Variants in RIMS2 observed in about 807,000 individuals in gnomAD.
The protein encoded by RIMS2 is regulating synaptic membrane exocytosis 2, also known as regulating synaptic membrane exocytosis protein 2.
RIMS2 carries 59 observed loss-of-function variants against 174.4 expected under a neutral mutation model. The ratio of observed to expected loss-of-function variants is 0.34; its 90% CI spans 0.27 to 0.42. RIMS2 has a LOEUF of 0.42. RIMS2 is among the 10% of genes least tolerant of loss of function. The probability of loss-of-function intolerance (pLI) is 1.00; values close to 1 mark genes in which losing one functional copy is unlikely to be tolerated. For synonymous variants in RIMS2, 606 were observed against 572.5 expected (o/e 1.06, Z -0.84); for missense variants, 1,620 against 1,666.3 (o/e 0.97, Z 0.48).
chr8:103,964,639 A>G (rs1018772249), intron 15 of RIMS2, among the ~76,000 whole-genome samples: 4 of 152,064 alleles, frequency 2.6e-5, no homozygotes, highest in Non-Finnish European at 4.4e-5. Flanking sequence ...TTGTCTTGAC[A>G]TTGTCTTTTG....
chr8:103,987,318 A>G (rs2094433234), intron 16 of RIMS2, among the ~76,000 whole-genome samples: 1 of 152,132 alleles, frequency 6.6e-6, no homozygotes, highest in Non-Finnish European at 1.5e-5. Context: ...AAAAAATCTT[A>G]CTTTAAGTAA....
intron 19 of RIMS2, among the ~76,000 whole-genome samples, chr8:104,152,653 C>T (rs909351916): frequency 6.6e-6 from 1 of 151,928 alleles, no homozygotes; most frequent in African/African-American, 2.4e-5. Flanking sequence ...TCATTATCTA[C>T]AATAATGAAC....
At chr8:103,738,231 A>C (rs76496694) in intron 2 of RIMS2, among the ~76,000 whole-genome samples, 11,113 of 152,298 alleles carry the variant, frequency 0.073, 544 homozygotes, top group Non-Finnish European at 0.1. Flanking sequence ...TCATCATTTT[A>C]TTAAGTTATT....
At chr8:103,850,972 T>C (rs1334078524) in intron 3 of RIMS2, among the ~76,000 whole-genome samples, 5 of 152,042 alleles carry the variant, frequency 3.3e-5, no homozygotes, top group Admixed American at 2.6e-4. Flanking sequence ...TTTAGATAAA[T>C]GCTAAAGAAT....
chr8:104,182,219 T>C (rs2098944165), intron 19 of RIMS2, among the ~76,000 whole-genome samples: 1 of 151,864 alleles, frequency 6.6e-6, no homozygotes, highest in African/African-American at 2.4e-5. Flanking sequence ...TCTGTGTATA[T>C]TCCAAATAAT....
At chr8:103,913,501 G>T (rs892776752) in intron 6 of RIMS2, among the ~76,000 whole-genome samples, 1 of 152,094 alleles carries the variant, frequency 6.6e-6, no homozygotes, top group Admixed American at 6.6e-5. Context: ...GAATATAAGA[G>T]ATATTAGGAA....
intron 1 of RIMS2, among the ~76,000 whole-genome samples, chr8:103,524,796 C>T (rs1274505648): frequency 6.6e-6 from 1 of 152,164 alleles, no homozygotes; most frequent in Non-Finnish European, 1.5e-5. Flanking sequence ...ACTGTTGTTA[C>T]AGTAGCCAGA....
chr8:104,018,274 G>A (rs2095984145), intron 19 of RIMS2, among the ~76,000 whole-genome samples: 1 of 152,136 alleles, frequency 6.6e-6, no homozygotes, highest in Non-Finnish European at 1.5e-5. Flanking sequence ...AGAGGTCAAG[G>A]CAGGTCTGTC....
chr8:103,701,497 C>T (rs1167024649), intron 2 of RIMS2, among the ~76,000 whole-genome samples: 1 of 152,022 alleles, frequency 6.6e-6, no homozygotes, highest in Non-Finnish European at 1.5e-5. Context: ...TAGTCTCTTT[C>T]TTGTTGTAAC....
intron 2 of RIMS2, among the ~76,000 whole-genome samples, chr8:103,709,881 C>T (rs551374624): frequency 3.7e-4 from 56 of 152,146 alleles, no homozygotes; most frequent in Non-Finnish European, 6.5e-4. Context: ...AGGCAATACT[C>T]CCCACTTATC....
intron 1 of RIMS2, among the ~76,000 whole-genome samples, chr8:103,653,192 A>G (rs1208277280): frequency 6.6e-6 from 1 of 152,172 alleles, no homozygotes; most frequent in East Asian, 1.9e-4. Flanking sequence ...CATTTGTTTG[A>G]CCACTGAATC....
At chr8:104,118,246 T>TA (rs1449430551) in intron 19 of RIMS2, among the ~76,000 whole-genome samples, 4 of 152,106 alleles carry the variant, frequency 2.6e-5, no homozygotes, top group Non-Finnish European at 5.9e-5. Context: ...GAAGAACTTA[T>TA]AAGAAGTATA....
chr8:103,753,396 C>G (rs1028111214), intron 2 of RIMS2, among the ~76,000 whole-genome samples: 2 of 152,096 alleles, frequency 1.3e-5, no homozygotes, highest in Non-Finnish European at 2.9e-5. Flanking sequence ...CTAAAATTCT[C>G]TTTTTTGGTT....
chr8:103,691,894 C>T (rs2097030430), intron 1 of RIMS2, among the ~76,000 whole-genome samples: 1 of 152,130 alleles, frequency 6.6e-6, no homozygotes, highest in Non-Finnish European at 1.5e-5. Context: ...ATCAGTGTAG[C>T]TGTATCTTCA....
intron 12 of RIMS2, among the ~76,000 whole-genome samples, chr8:103,936,278 A>G (rs1475351976): frequency 6.6e-6 from 1 of 152,150 alleles, no homozygotes; most frequent in Non-Finnish European, 1.5e-5. Flanking sequence ...GGTTTTATTT[A>G]GATTTTGAGA....
At chr8:104,043,551 T>C (rs2096644360) in intron 19 of RIMS2, among the ~76,000 whole-genome samples, 1 of 151,672 alleles carries the variant, frequency 6.6e-6, no homozygotes. Context: ...GTTAGTTGTG[T>C]TAAATCATGT....
intron 14 of RIMS2, among the ~76,000 whole-genome samples, chr8:103,945,156 G>A (rs2154540411): frequency 6.6e-6 from 1 of 152,132 alleles, no homozygotes; most frequent in Non-Finnish European, 1.5e-5. Context: ...ATCATTAAAA[G>A]TGTGTAATTC....
chr8:104,248,799 C>G (rs759778650), exon 21 of RIMS2: 21 of 1,573,778 alleles, frequency 1.3e-5, no homozygotes, highest in Non-Finnish European at 4.4e-6. Context: ...CAGACTCTGG[C>G]AACACCTGCA....
intron 10 of RIMS2, chr8:103,922,756 A>G (rs914910871): frequency 3.7e-6 from 1 of 268,730 alleles, no homozygotes; most frequent in Non-Finnish European, 7.9e-6. Flanking sequence ...GTGGGTGGGG[A>G]GGAAAGGGTA....
Sources: gnomAD v4.1 joint callset for allele counts (sites outside exome capture counted in the v4.1 genomes callset) on GRCh38, gnomAD v4.1.1 for gene constraint, MANE v1.5 for transcripts, NCBI Gene and HGNC (gene_info 2026-07-23, HGNC 2026-07-21) for gene names.